EVI5L: variants seen among roughly 807,000 people sequenced by gnomAD.
EVI5L encodes ecotropic viral integration site 5 like.
A neutral mutation model predicts 106.1 loss-of-function variants in EVI5L; 30 were observed. The observed-to-expected ratio is 0.28, with a 90% CI of 0.21 to 0.38. The LOEUF is 0.38. Among genes scored for constraint, EVI5L ranks in the 10% least tolerant of loss-of-function variants. EVI5L has a pLI of 1.00. For missense variants in EVI5L, 809 were observed against 1,098.0 expected (o/e 0.74, Z 3.72); for synonymous variants, 489 against 483.3 (o/e 1.01, Z -0.15).
intron 10 of EVI5L, 191 bp downstream of exon 10, chr19:7,853,524 G>C: frequency 1.4e-6 from 1 of 707,912 alleles, no homozygotes. Flanking sequence ...CGCCTCCCCC[G>C]CCTGACGCCG....
At chr19:7,843,643 C>G (rs1447804091) in intron 1 of EVI5L, among the ~76,000 whole-genome samples, 5 of 116,356 alleles carry the variant, frequency 4.3e-5, no homozygotes, top group Non-Finnish European at 9.0e-5. Flanking sequence ...GGGTGTGTGT[C>G]GAGTGTGTGC....
intron 1 of EVI5L, among the ~76,000 whole-genome samples, chr19:7,842,509 T>A (rs1467182125): frequency 6.6e-6 from 1 of 150,578 alleles, no homozygotes. Flanking sequence ...AGTGTGTGTA[T>A]CAAGTGTGTG....
At chr19:7,836,684 G>C (rs62125116) in intron 1 of EVI5L, among the ~76,000 whole-genome samples, 23,494 of 151,540 alleles carry the variant, frequency 0.16, 2,399 homozygotes, top group Middle Eastern at 0.22. Context: ...TGTCATCCAG[G>C]CTGGAGTGCA....
intron 14 of EVI5L, among the ~76,000 whole-genome samples, chr19:7,861,015 AG>A (rs1905345510): frequency 6.6e-6 from 1 of 152,100 alleles, no homozygotes; most frequent in South Asian, 2.1e-4. Flanking sequence ...AGGAAGGCCC[AG>A]GCCCATTGTG....
chr19:7,862,573 C>T, intron 17 of EVI5L, 39 bp downstream of exon 17: 1 of 1,370,344 alleles, frequency 7.3e-7, no homozygotes, highest in Non-Finnish European at 9.4e-7. Flanking sequence ...CGTGGCACCG[C>T]CCCCGGACGC....
intron 17 of EVI5L, among the ~76,000 whole-genome samples, 189 bp downstream of exon 17, chr19:7,862,723 G>GCCCCC (rs2146441245): frequency 1.6e-5 from 1 of 63,082 alleles, no homozygotes; most frequent in African/African-American, 5.4e-5. Context: ...CTCCTGATCC[G>GCCCCC]GCCCCGCCTC....
At chr19:7,840,471 T>TC (rs906914202) in intron 1 of EVI5L, among the ~76,000 whole-genome samples, 1 of 151,880 alleles carries the variant, frequency 6.6e-6, no homozygotes, top group African/African-American at 2.4e-5. Context: ...AGAGCAAAAC[T>TC]CCATCTCAAA....
intron 14 of EVI5L, 94 bp from the exon 15 acceptor site, chr19:7,861,784 G>A (rs1373595281): frequency 6.7e-7 from 1 of 1,494,192 alleles, no homozygotes; most frequent in Non-Finnish European, 9.0e-7. Context: ...CCAAGGCAGA[G>A]CTCAGGAGGA....
At chr19:7,844,078 C>A (rs1328910890) in intron 1 of EVI5L, among the ~76,000 whole-genome samples, 2 of 151,448 alleles carry the variant, frequency 1.3e-5, no homozygotes, top group Non-Finnish European at 2.9e-5. Context: ...CTCGGCTGGG[C>A]GCGGTGGCTC....
intron 1 of EVI5L, among the ~76,000 whole-genome samples, chr19:7,837,008 G>T (rs1674284905): frequency 6.6e-6 from 1 of 151,890 alleles, no homozygotes; most frequent in East Asian, 1.9e-4. Context: ...GACCAGCCTG[G>T]GCAGCAGAGT....
At position 7,856,672 on chromosome 19, in the gene EVI5L, C is replaced by T. The variant is rs1156683512; in HGVS notation, c.1201-420C>T. On this transcript the variant is annotated intron_variant, in intron 11 of 19. Transcript: ENST00000538904. This position sits in a 1 kb window ranked among gnomAD's most constrained non-coding sequence, Gnocchi z 6.6. Reference sequence around the variant, plus strand: ...GGCAGCCGGATTTGGTTGCCCTCACCCCAAAGCCTTGTTCTGCCTTAAAAT... The same window carrying T: ...GGCAGCCGGATTTGGTTGCCCTCACTCCAAAGCCTTGTTCTGCCTTAAAAT... 6.6e-6 allele frequency among the ~76,000 whole-genome samples: 1 copy of T among 152,148 alleles called. No individual in the cohort carries two copies. The highest frequency in any genetic ancestry group is 1.5e-5 in the Non-Finnish European group (1 of 68,040).
In EVI5L at chr19:7,848,610, A is replaced by AG. The variant is rs1979077386; in HGVS notation, c.328-310dup. On this transcript the variant is annotated intron_variant, in intron 3 of 19. Transcript: ENST00000538904. This position sits in a 1 kb window ranked among gnomAD's most constrained non-coding sequence, Gnocchi z 4.8. ...GAGACTCCATCTCAAAAAAAAAAAA[A>AG]GTTTAAAAATTAGCCAGGCGTGGTG... Among the ~76,000 whole-genome samples the AG allele has an allele frequency of 6.6e-6, 1 of 151,618 alleles. No individual in the cohort carries two copies. The highest frequency in any genetic ancestry group is 6.6e-5 in the Admixed American group (1 of 15,234).
rs1174227081 is a variant in EVI5L at position 7,862,114 on chromosome 19, C to T, written c.1645-8C>T. On this transcript the variant is annotated splice_polypyrimidine_tract_variant and splice_region_variant and intron_variant, in intron 15 of 19. Coordinates refer to ENST00000538904, the MANE Select transcript of EVI5L (RefSeq NM_001159944.3). ...GCTGACCGCCGGCTTCTCGGCTTCACCCCCCAGGCCCATCTGGCCCGCGGC... is the reference window on the plus strand; with the variant it reads ...GCTGACCGCCGGCTTCTCGGCTTCATCCCCCAGGCCCATCTGGCCCGCGGC... 9.6e-6 allele frequency: 15 copies of T among 1,561,720 alleles called. No homozygotes were observed. Among genetic ancestry groups the T allele is most frequent in the Non-Finnish European group, 1.3e-5 (15 of 1,157,996 alleles).
intron 8 of EVI5L, chr19:7,852,872 G>A: frequency 1.8e-6 from 1 of 562,122 alleles, no homozygotes; most frequent in East Asian, 3.0e-5. Context: ...TTTTCTTCTG[G>A]AAACTAAGGC....
At chr19:7,853,940 C>G (rs1979391010) in intron 10 of EVI5L, among the ~76,000 whole-genome samples, 1 of 152,202 alleles carries the variant, frequency 6.6e-6, no homozygotes. Flanking sequence ...CTTCTCTCTC[C>G]TTCCTTGCGC....
At chr19:7,853,393 G>A in intron 10 of EVI5L, 60 bp downstream of exon 10, 3 of 1,563,192 alleles carry the variant, frequency 1.9e-6, no homozygotes, top group Non-Finnish European at 2.6e-6. Context: ...GCTGCCCTCC[G>A]TACTCTAAAG....
chr19:7,862,652 G>A, intron 17 of EVI5L, 118 bp downstream of exon 17: 1 of 906,698 alleles, frequency 1.1e-6, no homozygotes, highest in Non-Finnish European at 1.4e-6. Context: ...GCCCCTGCCC[G>A]CGGTCCTCCC....
At chr19:7,842,840 GGT>G (rs1020805430) in intron 1 of EVI5L, among the ~76,000 whole-genome samples, 3 of 150,534 alleles carry the variant, frequency 2.0e-5, no homozygotes, top group South Asian at 2.1e-4. Flanking sequence ...AAGGTATATA[GGT>G]GTGTGTATCT....
Position 7,856,533 on chromosome 19 carries a change from A to G in EVI5L, c.1200+465A>G, listed in dbSNP as rs1403362927. 6.6e-6 allele frequency among the ~76,000 whole-genome samples: 1 copy of G among 151,864 alleles called. No individual in the cohort carries two copies. The highest frequency in any genetic ancestry group is 1.5e-5 in the Non-Finnish European group (1 of 67,930). On this transcript the variant is annotated intron_variant, in intron 11 of 19. Transcript: ENST00000538904. The surrounding 1 kb of genome is among the most constrained non-coding windows in gnomAD (Gnocchi z 6.6). ...CACAGCCCGGACTCTGCTCCCCAAC[A>G]TGCTAAAGATGGGGGTGGAATTGGG...
Sources: allele counts gnomAD v4.1 joint callset (sites outside exome capture counted in the v4.1 genomes callset), GRCh38; gene constraint gnomAD v4.1.1; non-coding constraint Gnocchi (gnomAD v3.1); transcripts MANE v1.5; gene names NCBI Gene and HGNC (gene_info 2026-07-23, HGNC 2026-07-21).